Variants in TTLL11 observed in about 807,000 individuals in gnomAD.
The protein encoded by TTLL11 is tubulin polyglutamylase TTLL11.
A neutral mutation model predicts 51.7 loss-of-function variants in TTLL11; 42 were observed. That is an observed-to-expected ratio of 0.81 (90% CI 0.64 to 1.05). The LOEUF is 1.05. TTLL11 is among the 50% of genes least tolerant of loss of function. The pLI, the probability that TTLL11 is intolerant of heterozygous loss-of-function variation, is 0.00. For missense variants in TTLL11, 799 were observed against 940.4 expected, an observed-to-expected ratio of 0.85 and a Z score of 1.97; for synonymous variants, 381 against 383.5, an observed-to-expected ratio of 0.99 and a Z score of 0.08.
In TTLL11 at chr9:121,833,575, T is replaced by C. The variant is rs372428016; in HGVS notation, c.1841-10696A>G. The stretch of plus-strand genomic sequence containing the variant: ...TCAGGGTAATGGTGGGAAGAGGACA[T>C]GTTTACGCGTATTCTTCATTTACAG... On this transcript the variant is annotated intron_variant, in intron 8 of 8. Coordinates refer to ENST00000321582, the MANE Select transcript of TTLL11 (RefSeq NM_001139442.2). Among the ~76,000 whole-genome samples the C allele has an allele frequency of 3.9e-5, 6 of 152,258 alleles. No homozygotes were observed. In the East Asian group the frequency reaches 5.8e-4, roughly 15 times the overall value.
intron 6 of TTLL11, among the ~76,000 whole-genome samples, chr9:121,970,797 C>T (rs1024839499): frequency 1.3e-5 from 2 of 152,196 alleles, no homozygotes; most frequent in Non-Finnish European, 1.5e-5. Flanking sequence ...GTGGCGATTC[C>T]TCAAGGATCT....
At chr9:121,988,921 T>C (rs559188156) in intron 4 of TTLL11, 14 of 623,934 alleles carry the variant, frequency 2.2e-5, no homozygotes, top group Non-Finnish European at 3.4e-5. Flanking sequence ...TTACATGTGT[T>C]ATCTCATTTA....
At position 121,869,847 on chromosome 9, in the gene TTLL11, TG is replaced by T. The variant is rs1175435625; in HGVS notation, c.1733+649del. On this transcript the variant is annotated intron_variant, in intron 7 of 8. Coordinates refer to ENST00000321582, the MANE Select transcript of TTLL11 (RefSeq NM_001139442.2). Reference sequence around the variant, plus strand: ...TGCCCTAGAAGCCAGTAAATGCTGCTGTATTGCCCCAAAGTGCCCCCACAGG... The same window carrying T: ...TGCCCTAGAAGCCAGTAAATGCTGCTTATTGCCCCAAAGTGCCCCCACAGG... 3.9e-5 allele frequency among the ~76,000 whole-genome samples: 6 copies of T among 152,202 alleles called. No homozygotes were observed. In the East Asian group the frequency reaches 1.2e-3, roughly 29 times the overall value.
At chr9:121,999,322 C>T (rs1843388601) in intron 3 of TTLL11, among the ~76,000 whole-genome samples, 2 of 152,204 alleles carry the variant, frequency 1.3e-5, no homozygotes, top group Non-Finnish European at 2.9e-5. Flanking sequence ...TCTTGGGCTC[C>T]AGACTCATAC....
intron 6 of TTLL11, among the ~76,000 whole-genome samples, chr9:121,879,041 T>C (rs1838673305): frequency 6.6e-6 from 1 of 152,170 alleles, no homozygotes; most frequent in Non-Finnish European, 1.5e-5. Flanking sequence ...TTTCCTCTAA[T>C]ATAAAATGGG....
intron 1 of TTLL11, among the ~76,000 whole-genome samples, chr9:122,080,620 G>A (rs1462296748): frequency 1.3e-5 from 2 of 152,034 alleles, no homozygotes; most frequent in South Asian, 2.1e-4. Flanking sequence ...TTGAGGCCAG[G>A]AGTTCAAGGG....
chr9:121,961,163 G>A (rs1588156538), intron 6 of TTLL11, among the ~76,000 whole-genome samples: 2 of 151,942 alleles, frequency 1.3e-5, no homozygotes, highest in African/African-American at 4.8e-5. Context: ...CCATCCTCAC[G>A]GTCGAAGATG....
chr9:121,848,070 G>T (rs1837568412), intron 8 of TTLL11, among the ~76,000 whole-genome samples: 1 of 152,016 alleles, frequency 6.6e-6, no homozygotes, highest in South Asian at 2.1e-4. Context: ...AGCCAGGTGT[G>T]GGGGCACATG....
At chr9:121,966,931 T>C (rs536210866) in intron 6 of TTLL11, among the ~76,000 whole-genome samples, 3 of 152,336 alleles carry the variant, frequency 2.0e-5, no homozygotes, top group African/African-American at 7.2e-5. Context: ...AAAGCCTGAT[T>C]GACCACTTGG....
intron 7 of TTLL11, among the ~76,000 whole-genome samples, chr9:121,869,049 A>G (rs2131394299): frequency 6.6e-6 from 1 of 152,376 alleles, no homozygotes; most frequent in African/African-American, 2.4e-5. Flanking sequence ...CCACACAGCT[A>G]TGAAGTAATG....
chr9:121,986,962 C>T (rs899224318), intron 4 of TTLL11, among the ~76,000 whole-genome samples: 1 of 151,898 alleles, frequency 6.6e-6, no homozygotes, highest in African/African-American at 2.4e-5. Flanking sequence ...GCAGTACCCA[C>T]GACCCCCACC....
At chr9:121,865,728 A>G (rs979347988) in intron 7 of TTLL11, among the ~76,000 whole-genome samples, 3 of 152,224 alleles carry the variant, frequency 2.0e-5, no homozygotes, top group African/African-American at 4.8e-5. Flanking sequence ...AAATGTTAAA[A>G]AAGAAAGAAG....
At chr9:122,043,862 T>C (rs1253041998) in intron 1 of TTLL11, among the ~76,000 whole-genome samples, 1 of 151,996 alleles carries the variant, frequency 6.6e-6, no homozygotes, top group Non-Finnish European at 1.5e-5. Flanking sequence ...TTTCTTTTTT[T>C]ATTTTATTAT....
intron 3 of TTLL11, among the ~76,000 whole-genome samples, chr9:122,004,418 C>G (rs1843575825): frequency 6.6e-6 from 1 of 151,728 alleles, no homozygotes; most frequent in South Asian, 2.1e-4. Flanking sequence ...GGTGCGATCT[C>G]TGTTCACTGC....
intron 1 of TTLL11, among the ~76,000 whole-genome samples, chr9:122,051,333 C>G (rs1845150220): frequency 6.6e-6 from 1 of 152,182 alleles, no homozygotes. Context: ...ATGAAATGAG[C>G]ACATACAGCA....
intron 4 of TTLL11, chr9:121,988,994 A>C: frequency 7.7e-7 from 1 of 1,300,330 alleles, no homozygotes; most frequent in Non-Finnish European, 1.0e-6. Flanking sequence ...ACAGAGGGGA[A>C]GTAGCTTGCC....
chr9:122,002,712 T>G (rs534983087), intron 3 of TTLL11, among the ~76,000 whole-genome samples: 85 of 152,060 alleles, frequency 5.6e-4, no homozygotes, highest in Non-Finnish European at 1.0e-3. Context: ...TTTGGGAGGC[T>G]GAGGCAGGCG....
At chr9:121,954,675 G>GACACAC (rs1554773855) in intron 6 of TTLL11, among the ~76,000 whole-genome samples, 1 of 73,934 alleles carries the variant, frequency 1.4e-5, no homozygotes, top group East Asian at 3.1e-4. Flanking sequence ...CACACACACA[G>GACACAC]ACGCACACAC....
At chr9:121,845,767 G>C (rs374951582) in intron 8 of TTLL11, among the ~76,000 whole-genome samples, 2 of 152,088 alleles carry the variant, frequency 1.3e-5, no homozygotes, top group Non-Finnish European at 2.9e-5. Context: ...TTAAAAAGGA[G>C]TATAATTGCT....
Sources: allele counts gnomAD v4.1 joint callset (sites outside exome capture counted in the v4.1 genomes callset), GRCh38; gene constraint gnomAD v4.1.1; transcripts MANE v1.5; gene names NCBI Gene and HGNC (gene_info 2026-07-23, HGNC 2026-07-21).